RXRA: variants seen among roughly 807,000 people sequenced by gnomAD.
The protein encoded by RXRA is retinoid X receptor alpha.
A neutral mutation model predicts 44.5 loss-of-function variants in RXRA; 5 were observed. That is an observed-to-expected ratio of 0.11 (90% CI 0.06 to 0.24). RXRA has a LOEUF of 0.24. RXRA is among the 10% of genes least tolerant of loss of function. The pLI, the probability that RXRA is intolerant of heterozygous loss-of-function variation, is 1.00. For missense variants in RXRA, 412 were observed against 646.5 expected, an observed-to-expected ratio of 0.64 and a Z score of 3.93; for synonymous variants, 291 against 271.4, an observed-to-expected ratio of 1.07 and a Z score of -0.71.
rs1413181108 is a variant in RXRA at position 134,349,747 on chromosome 9, C to T, written c.28+23088C>T. On this transcript the variant is annotated intron_variant, in intron 1 of 9. Coordinates refer to ENST00000481739, the MANE Select transcript of RXRA (RefSeq NM_002957.6). This position sits in a 1 kb window ranked among gnomAD's most constrained non-coding sequence, Gnocchi z 4.3. ...AGGCGCAGGGCTGTGCACAGGATTCCCCAGGGCTGGGCCAGCCTGGCGGTG... is the reference window on the plus strand; with the variant it reads ...AGGCGCAGGGCTGTGCACAGGATTCTCCAGGGCTGGGCCAGCCTGGCGGTG... Among the ~76,000 whole-genome samples, 2 of 147,438 alleles carry T rather than the reference C, an allele frequency of 1.4e-5. No individual in the cohort carries two copies. Among genetic ancestry groups the T allele is most frequent in the Non-Finnish European group, 1.5e-5 (1 of 66,526 alleles).
At chr9:134,326,967 C>T (rs1834924422) in intron 1 of RXRA, among the ~76,000 whole-genome samples, 1 of 151,062 alleles carries the variant, frequency 6.6e-6, no homozygotes, top group South Asian at 2.1e-4. Flanking sequence ...CGGCGCCCAG[C>T]TGCAGCCGCG....
intron 7 of RXRA, among the ~76,000 whole-genome samples, chr9:134,429,640 C>T (rs930998014): frequency 2.0e-5 from 3 of 152,190 alleles, no homozygotes; most frequent in Non-Finnish European, 4.4e-5. Flanking sequence ...GGGCGTGGTG[C>T]GGCCTAACGC....
In RXRA at chr9:134,342,122, C is replaced by T. The variant is rs941820635; in HGVS notation, c.28+15463C>T. On this transcript the variant is annotated intron_variant, in intron 1 of 9. Coordinates refer to ENST00000481739, the MANE Select transcript of RXRA (RefSeq NM_002957.6). The surrounding 1 kb of genome is among the most constrained non-coding windows in gnomAD (Gnocchi z 4.4). ...CTCCCTGAAGGCGCTCTGCTGGGCC[C>T]GGGGTGGGGGCTCTCGTGCTGGCAT... Among the ~76,000 whole-genome samples the T allele has an allele frequency of 2.6e-5, 4 of 152,110 alleles. No individual in the cohort carries two copies. The highest frequency in any genetic ancestry group is 4.8e-5 in the African/African-American group (2 of 41,418).
In RXRA at chr9:134,365,343, C is replaced by T. The variant is rs1019343960; in HGVS notation, c.29-36289C>T. Among the ~76,000 whole-genome samples, 7 of 152,220 alleles carry T rather than the reference C, an allele frequency of 4.6e-5. No individual in the cohort carries two copies. Among genetic ancestry groups the T allele is most frequent in the South Asian group, 2.1e-4 (1 of 4,832 alleles). ...GCGCGTCCCTGGGTGAGTGACCAGGCGGCCTTGGGTCTCTGGTGAGCTCAG... is the reference window on the plus strand; with the variant it reads ...GCGCGTCCCTGGGTGAGTGACCAGGTGGCCTTGGGTCTCTGGTGAGCTCAG... On this transcript the variant is annotated intron_variant, in intron 1 of 9. Transcript: ENST00000481739. This position sits in a 1 kb window ranked among gnomAD's most constrained non-coding sequence, Gnocchi z 4.0.
At chr9:134,347,528 C>T (rs1390059250) in intron 1 of RXRA, among the ~76,000 whole-genome samples, 1 of 152,166 alleles carries the variant, frequency 6.6e-6, no homozygotes, top group East Asian at 1.9e-4. Context: ...CTGCTGTGAC[C>T]CCACACCCCT....
intron 1 of RXRA, among the ~76,000 whole-genome samples, chr9:134,380,497 C>A (rs1036789147): frequency 9.9e-5 from 15 of 152,180 alleles, no homozygotes; most frequent in Middle Eastern, 3.4e-3. Context: ...GTGGGCGGCC[C>A]CCCCTGGGAG....
At chr9:134,412,636 G>T (rs1362731154) in intron 4 of RXRA, among the ~76,000 whole-genome samples, 3 of 152,208 alleles carry the variant, frequency 2.0e-5, no homozygotes, top group South Asian at 2.1e-4. Flanking sequence ...GGGCAGAGGT[G>T]GGGGGACGTG....
At chr9:134,424,584 C>T (rs993932670) in intron 6 of RXRA, 1 of 985,346 alleles carries the variant, frequency 1.0e-6, no homozygotes, top group Non-Finnish European at 1.2e-6. Flanking sequence ...CCTCAGTGTC[C>T]TTGTGTGTTC....
At chr9:134,340,062 C>T (rs12351640) in intron 1 of RXRA, among the ~76,000 whole-genome samples, 7,824 of 152,096 alleles carry the variant, frequency 0.051, 659 homozygotes, top group African/African-American at 0.18. Flanking sequence ...TGTCCCTGTC[C>T]CTGTGTGAGT....
At chr9:134,332,661 C>T (rs1250382609) in intron 1 of RXRA, among the ~76,000 whole-genome samples, 1 of 152,104 alleles carries the variant, frequency 6.6e-6, no homozygotes, top group Non-Finnish European at 1.5e-5. Context: ...TGGGTAGGGC[C>T]TGTGTGCCGG....
In RXRA at chr9:134,421,786, G is replaced by A. The variant is rs112430978; in HGVS notation, c.891G>A (p.Gln297=). 6 of 1,612,724 alleles carry A rather than the reference G, an allele frequency of 3.7e-6. No homozygotes were observed. The highest frequency in any genetic ancestry group is 4.2e-6 in the Non-Finnish European group (5 of 1,179,198). The change falls in exon 6 of 10, where the codon CAG becomes CAA. Residue 297 remains glutamine (Q), a synonymous_variant. Coordinates refer to ENST00000481739, the MANE Select transcript of RXRA (RefSeq NM_002957.6). ...TCTCAGAGCTGCCCCTGGACGACCA[G>A]GTCATCCTGCTGCGGGCAGGTGAGT... is the stretch of plus-strand genomic sequence containing the variant. ...PHFSELPLDD[Q]VILLRAGWNE...
At position 134,399,720 on chromosome 9, in the gene RXRA, A is replaced by G. The variant is rs184381705; in HGVS notation, c.29-1912A>G. ...AGTTCAATGAAATGGCTTATTCCCAATATTGTGAATGATGAAGGTTTCCAG... is the reference window on the plus strand; with the variant it reads ...AGTTCAATGAAATGGCTTATTCCCAGTATTGTGAATGATGAAGGTTTCCAG... On this transcript the variant is annotated intron_variant, in intron 1 of 9. Transcript: ENST00000481739. Among the ~76,000 whole-genome samples, 105 of 152,332 alleles carry G rather than the reference A, an allele frequency of 6.9e-4. 1 individual carries two copies. Among genetic ancestry groups the G allele is most frequent in the African/African-American group, 2.5e-3 (102 of 41,558 alleles).
intron 1 of RXRA, among the ~76,000 whole-genome samples, chr9:134,390,065 G>T (rs985104159): frequency 3.3e-5 from 5 of 152,204 alleles, no homozygotes; most frequent in African/African-American, 9.6e-5. Context: ...GAGGATGGGG[G>T]TGGCCGTCCT....
chr9:134,347,491 G>A (rs1237380727), intron 1 of RXRA, among the ~76,000 whole-genome samples: 5 of 152,212 alleles, frequency 3.3e-5, no homozygotes, highest in African/African-American at 1.2e-4. Flanking sequence ...CGAGCAGGAG[G>A]GGGGCCTGGT....
At chr9:134,379,256 C>T in intron 1 of RXRA, 1 of 985,384 alleles carries the variant, frequency 1.0e-6, no homozygotes, top group Non-Finnish European at 1.2e-6. Context: ...GAGGGCGGGG[C>T]TCGGGCCTGC....
rs1235233301 is a variant in RXRA, at chr9:134,349,823, T to C, written c.28+23164T>C. On this transcript the variant is annotated intron_variant, in intron 1 of 9. Coordinates refer to ENST00000481739, the MANE Select transcript of RXRA (RefSeq NM_002957.6). The surrounding 1 kb of genome is among the most constrained non-coding windows in gnomAD (Gnocchi z 4.3). ...AGGGGCAGAGCTGGGCTAGCTCGGGTGGGCGGGCGGGTGCCGCAGGCTCTC... is the reference window on the plus strand; with the variant it reads ...AGGGGCAGAGCTGGGCTAGCTCGGGCGGGCGGGCGGGTGCCGCAGGCTCTC... 7.6e-4 allele frequency among the ~76,000 whole-genome samples: 1 copy of C among 1,308 alleles called. No homozygotes were observed. Among genetic ancestry groups the C allele is most frequent in the African/African-American group, 3.0e-3 (1 of 334 alleles). The allele number at this position is 1,308 out of a possible 152,430, so 0.9% of individuals were successfully genotyped here. A position where few individuals can be genotyped will look rare whatever the true frequency, so the allele number is the denominator to read the frequency against.
At chr9:134,334,456 G>A (rs1835054586) in intron 1 of RXRA, among the ~76,000 whole-genome samples, 1 of 152,272 alleles carries the variant, frequency 6.6e-6, no homozygotes, top group South Asian at 2.1e-4. Flanking sequence ...CAAGGTGACA[G>A]TTTGCTCCTC....
intron 1 of RXRA, among the ~76,000 whole-genome samples, chr9:134,360,460 G>A (rs1041670945): frequency 6.6e-6 from 1 of 152,184 alleles, no homozygotes; most frequent in African/African-American, 2.4e-5. Flanking sequence ...CCTTCCCCTG[G>A]TCCCGCCGCC....
chr9:134,361,797 G>A (rs111524013), intron 1 of RXRA, among the ~76,000 whole-genome samples: 36 of 152,294 alleles, frequency 2.4e-4, no homozygotes, highest in African/African-American at 7.7e-4. Flanking sequence ...AGAATGTTCC[G>A]GAACAGGGGC....
Sources: gnomAD v4.1 joint callset for allele counts (sites outside exome capture counted in the v4.1 genomes callset) on GRCh38, gnomAD v4.1.1 for gene constraint, Gnocchi (gnomAD v3.1) non-coding constraint, MANE v1.5 for transcripts, NCBI Gene and HGNC (gene_info 2026-07-23, HGNC 2026-07-21) for gene names.